Variants in ZNF891 observed in about 807,000 individuals in gnomAD.
The protein encoded by ZNF891 is hCG1646157.
For synonymous variants in ZNF891, 199 were observed against 209.0 expected (o/e 0.95, Z 0.41); for missense variants, 589 against 632.7 (o/e 0.93, Z 0.74).
At chr12:133,126,473 C>CAGA (rs1955816534) in intron 1 of ZNF891, among the ~76,000 whole-genome samples, 1 of 58,348 alleles carries the variant, frequency 1.7e-5, no homozygotes, top group Non-Finnish European at 3.3e-5. Flanking sequence ...GACTCCGTCT[C>CAGA]AAAAAAAAAA....
In ZNF891 at chr12:133,106,907, A is replaced by G. The variant is rs1369704330; in HGVS notation, c.*13377T>C. On this transcript the variant is annotated 3_prime_UTR_variant, in exon 2 of 2. Transcript: ENST00000537226. ...GTTGAGAAGATTCTTCCATCTGGTA[A>G]TGTTGAGAAGACTTCATTTGGTAGG... is the stretch of plus-strand genomic sequence containing the variant. 3.3e-6 allele frequency: 1 copy of G among 304,340 alleles called. No individual in the cohort carries two copies. The highest frequency in any genetic ancestry group is 2.2e-5 in the African/African-American group (1 of 45,746). The allele number at this position is 304,340 out of a possible 1,614,324, so 18.9% of individuals were successfully genotyped here.
chr12:133,105,279 G>T lies in ZNF891; in HGVS notation c.*15005C>A, dbSNP rs1955549656. On this transcript the variant is annotated 3_prime_UTR_variant, in exon 2 of 2. Coordinates refer to ENST00000537226, the MANE Select transcript of ZNF891 (RefSeq NM_001277291.2). The stretch of plus-strand genomic sequence containing the variant: ...ATTTCCTGATAGCTCTATTTTCCCT[G>T]CTCTTTCAATTACTTACGTTTACAC... 6.6e-6 allele frequency among the ~76,000 whole-genome samples: 1 copy of T among 152,102 alleles called. No individual in the cohort carries two copies. The highest frequency in any genetic ancestry group is 6.5e-5 in the Admixed American group (1 of 15,274).
chr12:133,112,951 C>G lies in ZNF891; in HGVS notation c.*7333G>C, dbSNP rs967013999. On this transcript the variant is annotated 3_prime_UTR_variant, in exon 2 of 2. Coordinates refer to ENST00000537226, the MANE Select transcript of ZNF891 (RefSeq NM_001277291.2). The stretch of plus-strand genomic sequence containing the variant: ...GCGTGCGCCTGTAGTCCCAGCTACT[C>G]GGGAGGCTGAGGCAGGAGAATGGCA... The G allele has an allele frequency of 6.6e-6, 1 of 151,700 alleles. No homozygotes were observed. 9.4% of individuals were successfully genotyped at this position (151,700 alleles called of 1,614,324 possible).
rs754495245 is a variant in ZNF891, at chr12:133,111,917, A to G, written c.*8367T>C. The G allele has an allele frequency of 1.1e-4, 16 of 152,248 alleles. No homozygotes were observed. Among genetic ancestry groups the G allele is most frequent in the Non-Finnish European group, 2.1e-4 (14 of 68,036 alleles). 9.4% of individuals were successfully genotyped at this position (152,248 alleles called of 1,614,324 possible). A position where few individuals can be genotyped will look rare whatever the true frequency, so the allele number is the denominator to read the frequency against. ...GGCATTCAAATTTCATACATGAACT[A>G]TTGCAAATAGCTTCCTAGTCTCTCA... On this transcript the variant is annotated 3_prime_UTR_variant, in exon 2 of 2. Coordinates refer to ENST00000537226, the MANE Select transcript of ZNF891 (RefSeq NM_001277291.2).
chr12:133,128,274 A>C (rs1955835902), intron 1 of ZNF891, among the ~76,000 whole-genome samples: 1 of 152,306 alleles, frequency 6.6e-6, no homozygotes, highest in East Asian at 1.9e-4. Context: ...TCAGCTCTTA[A>C]AAATGTACAC....
rs1375932800 is a variant in ZNF891, at chr12:133,116,996, C to T, written c.*3288G>A. 1 of 152,230 alleles carries T rather than the reference C, an allele frequency of 6.6e-6. No homozygotes were observed. 9.4% of individuals were successfully genotyped at this position (152,230 alleles called of 1,614,324 possible). A position where few individuals can be genotyped will look rare whatever the true frequency, so the allele number is the denominator to read the frequency against. On this transcript the variant is annotated 3_prime_UTR_variant, in exon 2 of 2. Transcript: ENST00000537226. ...TTGAAGTTCATACCATCTAGTTATA[C>T]CACTTTCTCCCTCTCTTCCTTGCTA...
At position 133,105,871 on chromosome 12, in the gene ZNF891, T is replaced by C; in HGVS notation, c.*14413A>G. 6.2e-7 allele frequency: 1 copy of C among 1,614,104 alleles called. No homozygotes were observed. The highest frequency in any genetic ancestry group is 8.5e-7 in the Non-Finnish European group (1 of 1,180,010). On this transcript the variant is annotated 3_prime_UTR_variant, in exon 2 of 2. Coordinates refer to ENST00000537226, the MANE Select transcript of ZNF891 (RefSeq NM_001277291.2). ...CATGTAAGGAATGTGGCAAAACCTT[T>C]AGCCAGATTTCAAACCTTGTGAAAC...
At position 133,104,821 on chromosome 12, in the gene ZNF891, TAGGTTAA is replaced by T. The variant is rs1955524253; in HGVS notation, c.*15456_*15462del. 6.6e-6 allele frequency among the ~76,000 whole-genome samples: 1 copy of T among 152,204 alleles called. No individual in the cohort carries two copies. Among genetic ancestry groups the T allele is most frequent in the African/African-American group, 2.4e-5 (1 of 41,452 alleles). ...TTATTTTTCTGTCCAACTTTCATTT[TAGGTTAA>T]AGGTTACTCATGTTACATGAGCAAA... On this transcript the variant is annotated 3_prime_UTR_variant, in exon 2 of 2. Transcript: ENST00000537226.
In ZNF891 at chr12:133,119,348, A is replaced by C. The variant is rs1425362945; in HGVS notation, c.*936T>G. The C allele has an allele frequency of 6.6e-6, 1 of 152,146 alleles. No homozygotes were observed. Among genetic ancestry groups the C allele is most frequent in the Non-Finnish European group, 1.5e-5 (1 of 68,042 alleles). The allele number at this position is 152,146 out of a possible 1,614,324, so 9.4% of individuals were successfully genotyped here. A position where few individuals can be genotyped will look rare whatever the true frequency, so the allele number is the denominator to read the frequency against. ...CACCTGAGGTCAGGAGTTTGAGACC[A>C]ACCTGGCCAACATGGTGAAACCCCG... On this transcript the variant is annotated 3_prime_UTR_variant, in exon 2 of 2. Coordinates refer to ENST00000537226, the MANE Select transcript of ZNF891 (RefSeq NM_001277291.2).
intron 1 of ZNF891, chr12:133,122,412 C>T (rs989815955): frequency 5.9e-6 from 1 of 169,350 alleles, no homozygotes; most frequent in Admixed American, 6.5e-5. Flanking sequence ...TGAAACACAC[C>T]TGTTTCATAT....
In ZNF891 at chr12:133,106,127, A is replaced by G; in HGVS notation, c.*14157T>C. On this transcript the variant is annotated 3_prime_UTR_variant, in exon 2 of 2. Coordinates refer to ENST00000537226, the MANE Select transcript of ZNF891 (RefSeq NM_001277291.2). The stretch of plus-strand genomic sequence containing the variant: ...TAGGAAATGTGGTAAAGCATTTAGC[A>G]GTGGCTCAGAACTCATTCGCCACCA... 2 of 1,614,190 alleles carry G rather than the reference A, an allele frequency of 1.2e-6. No individual in the cohort carries two copies. The highest frequency in any genetic ancestry group is 1.7e-6 in the Non-Finnish European group (2 of 1,180,032).
In ZNF891 at chr12:133,119,045, C is replaced by T. The variant is rs770305261; in HGVS notation, c.*1239G>A. 8.6e-5 allele frequency: 13 copies of T among 151,820 alleles called. No individual in the cohort carries two copies. The highest frequency in any genetic ancestry group is 1.3e-4 in the Non-Finnish European group (9 of 67,976). The allele number at this position is 151,820 out of a possible 1,614,324, so 9.4% of individuals were successfully genotyped here. ...ACCAGTCTGAGCAATGTAGGAAGAG[C>T]CTGTCTCTACAAAATATATATTTTT... On this transcript the variant is annotated 3_prime_UTR_variant, in exon 2 of 2. Transcript: ENST00000537226.
At chr12:133,130,150 CAGG>C (rs1277120626) in intron 1 of ZNF891, 74 bp downstream of exon 1, 2 of 152,404 alleles carry the variant, frequency 1.3e-5, no homozygotes, top group Non-Finnish European at 2.9e-5. Context: ...TCCCTGCACG[CAGG>C]AGAACTCAGC....
chr12:133,120,836 T>C lies in ZNF891; in HGVS notation c.1083A>G (p.Ser361=). The C allele has an allele frequency of 6.4e-7, 1 of 1,556,594 alleles. No homozygotes were observed. Among genetic ancestry groups the C allele is most frequent in the Non-Finnish European group, 8.7e-7 (1 of 1,152,622 alleles). ...KECGKVFNDS[S]TLRRHVRTHT... ...GAGTTCTTACATGTCTCCTTAAGGT[T>C]GAGGAATCATTGAACACTTTACCAC... Residue 361 remains serine (S), a synonymous_variant, in exon 2 of 2, where the codon TCA becomes TCG. Coordinates refer to ENST00000537226, the MANE Select transcript of ZNF891 (RefSeq NM_001277291.2).
chr12:133,120,712 G>C lies in ZNF891; in HGVS notation c.1207C>G (p.Pro403Ala), dbSNP rs747257407. Reference sequence around the variant, plus strand: ...TTTCCACACTGATTACATTCATAAGGTTTCTCTCCAGTGTGAGTTCTCATG... The same window carrying C: ...TTTCCACACTGATTACATTCATAAGCTTTCTCTCCAGTGTGAGTTCTCATG... ...AHMRTHTGEK[P>A]YECNQCGKSF... The change falls in exon 2 of 2, where the codon CCT (proline) becomes GCT (alanine). Residue 403 changes from proline (P) to alanine (A), a missense_variant. Pro to Ala is a conservative substitution (Grantham distance 27, BLOSUM62 -1). Coordinates refer to ENST00000537226, the MANE Select transcript of ZNF891 (RefSeq NM_001277291.2). The C allele has an allele frequency of 5.1e-6, 8 of 1,565,778 alleles. No homozygotes were observed. Among genetic ancestry groups the C allele is most frequent in the Non-Finnish European group, 6.9e-6 (8 of 1,156,072 alleles).
intron 1 of ZNF891, chr12:133,125,913 C>T (rs1436998381): frequency 8.2e-6 from 4 of 488,916 alleles, no homozygotes; most frequent in Admixed American, 4.1e-5. Context: ...GCTCCTGGTT[C>T]CCATGCTCTG....
At position 133,116,016 on chromosome 12, in the gene ZNF891, A is replaced by G. The variant is rs534117973; in HGVS notation, c.*4268T>C. On this transcript the variant is annotated 3_prime_UTR_variant, in exon 2 of 2. Coordinates refer to ENST00000537226, the MANE Select transcript of ZNF891 (RefSeq NM_001277291.2). ...ATCTGTTCCAAGATCACTGGGCCAA[A>G]ATTAGAGTGTAAATTCCAGTCCTAA... is the stretch of plus-strand genomic sequence containing the variant. 6 of 152,240 alleles carry G rather than the reference A, an allele frequency of 3.9e-5. No individual in the cohort carries two copies. In the South Asian group the frequency reaches 1.2e-3, roughly 32 times the overall value. The allele number at this position is 152,240 out of a possible 1,614,324, so 9.4% of individuals were successfully genotyped here. A position where few individuals can be genotyped will look rare whatever the true frequency, so the allele number is the denominator to read the frequency against.
rs1287431840 is a variant in ZNF891 at position 133,112,561 on chromosome 12, TC to T, written c.*7722del. On this transcript the variant is annotated 3_prime_UTR_variant, in exon 2 of 2. Transcript: ENST00000537226. ...GTCTTGAACTCTTGAGCTCAGGCAA[TC>T]CACCCACCTCTGCCTCCCGAAAACA... 6.6e-6 allele frequency: 1 copy of T among 152,374 alleles called. No homozygotes were observed. The highest frequency in any genetic ancestry group is 1.5e-5 in the Non-Finnish European group (1 of 68,170). The allele number at this position is 152,374 out of a possible 1,614,324, so 9.4% of individuals were successfully genotyped here. A position where few individuals can be genotyped will look rare whatever the true frequency, so the allele number is the denominator to read the frequency against.
rs908948423 is a variant in ZNF891, at chr12:133,116,704, T to G, written c.*3580A>C. The G allele has an allele frequency of 6.6e-6, 1 of 152,294 alleles. No homozygotes were observed. The highest frequency in any genetic ancestry group is 1.5e-5 in the Non-Finnish European group (1 of 68,104). The allele number at this position is 152,294 out of a possible 1,614,324, so 9.4% of individuals were successfully genotyped here. ...GCCAGAAACCCTAAACCCCTGCCCTTCTGGAGACTCTTTCATGGTGCCCTC... is the reference window on the plus strand; with the variant it reads ...GCCAGAAACCCTAAACCCCTGCCCTGCTGGAGACTCTTTCATGGTGCCCTC... On this transcript the variant is annotated 3_prime_UTR_variant, in exon 2 of 2. Transcript: ENST00000537226.
Sources: gnomAD v4.1 joint callset for allele counts (sites outside exome capture counted in the v4.1 genomes callset) on GRCh38, gnomAD v4.1.1 for gene constraint, MANE v1.5 for transcripts, NCBI Gene and HGNC (gene_info 2026-07-23, HGNC 2026-07-21) for gene names.